Variants in TECPR1 observed in about 807,000 individuals in gnomAD.
The protein encoded by TECPR1 is tectonin beta-propeller repeat-containing protein 1.
In TECPR1, 122 loss-of-function variants were observed where a neutral mutation model predicts 162.4. That is an observed-to-expected ratio of 0.75 (90% CI 0.65 to 0.87). The LOEUF (loss-of-function observed/expected upper bound fraction) is 0.87, where lower values mean the gene tolerates loss of function less well. TECPR1 is among the 40% of genes least tolerant of loss of function. The probability of loss-of-function intolerance (pLI) is 0.00; values close to 1 mark genes in which losing one functional copy is unlikely to be tolerated. For synonymous variants in TECPR1, 642 were observed against 670.6 expected (o/e 0.96, Z 0.66); for missense variants, 1,432 against 1,618.2 (o/e 0.88, Z 1.97).
chr7:98,236,725 C>G, intron 10 of TECPR1, 51 bp downstream of exon 10: 1 of 1,564,324 alleles, frequency 6.4e-7, no homozygotes. Context: ...CACCTAGGCT[C>G]AGACGGCCCA....
Position 98,245,173 on chromosome 7 carries a change from C to T in TECPR1, c.226-106G>A, listed in dbSNP as rs1798873769. 4 of 1,236,868 alleles carry T rather than the reference C, an allele frequency of 3.2e-6. No homozygotes were observed. The South Asian group carries it at 4.1e-5, about 13-fold the overall frequency. 76.6% of individuals were successfully genotyped at this position (1,236,868 alleles called of 1,614,324 possible). ...CAGCTGACCCTGCCCAGCCGACCCCCTCATTGATCTCCAGAATAGGAAGTG... is the reference window on the plus strand; with the variant it reads ...CAGCTGACCCTGCCCAGCCGACCCCTTCATTGATCTCCAGAATAGGAAGTG... On this transcript the variant is annotated intron_variant, in intron 3 of 25. Transcript: ENST00000447648.
intron 15 of TECPR1, 32 bp from the exon 16 acceptor site, chr7:98,229,198 C>T (rs753026137): frequency 7.8e-6 from 12 of 1,542,446 alleles, no homozygotes; most frequent in Non-Finnish European, 8.8e-6. Context: ...GGTGGAAACC[C>T]CTCAGACCCC....
At chr7:98,224,299 C>T (rs1798220109) in intron 19 of TECPR1, among the ~76,000 whole-genome samples, 2 of 152,224 alleles carry the variant, frequency 1.3e-5, no homozygotes, top group South Asian at 2.1e-4. Context: ...CCTGCACCGC[C>T]AGGGTCCAGG....
Position 98,236,925 on chromosome 7 carries a change from G to C in TECPR1, c.1036-4C>G, listed in dbSNP as rs1414003431. The C allele has an allele frequency of 1.3e-6, 2 of 1,546,348 alleles. No individual in the cohort carries two copies. Among genetic ancestry groups the C allele is most frequent in the Non-Finnish European group, 1.7e-6 (2 of 1,144,628 alleles). ...CCTCACAGCCAATGCCCCACACCTG[G>C]AAGAGAGAGGCTGTGTTCCGAGGAA... On this transcript the variant is annotated splice_region_variant and splice_polypyrimidine_tract_variant and intron_variant, in intron 9 of 25. Transcript: ENST00000447648.
intron 17 of TECPR1, among the ~76,000 whole-genome samples, chr7:98,226,025 G>A (rs772370613): frequency 1.3e-5 from 2 of 152,212 alleles, no homozygotes; most frequent in Admixed American, 6.5e-5. Flanking sequence ...TTCTGGGGAC[G>A]GCTGAGGCTG....
intron 15 of TECPR1, among the ~76,000 whole-genome samples, chr7:98,230,530 C>T (rs1351133825): frequency 2.6e-5 from 4 of 152,190 alleles, no homozygotes; most frequent in African/African-American, 7.2e-5. Context: ...CCTCCCACAG[C>T]GGCTCTCTCC....
At chr7:98,250,264 C>T (rs1293899481) in intron 2 of TECPR1, among the ~76,000 whole-genome samples, 9 of 151,572 alleles carry the variant, frequency 5.9e-5, no homozygotes, top group African/African-American at 2.2e-4. Context: ...CAATAAAATG[C>T]TAGGGGAAGA....
chr7:98,242,257 T>C (rs765233958), intron 6 of TECPR1, among the ~76,000 whole-genome samples: 2 of 152,162 alleles, frequency 1.3e-5, no homozygotes, highest in Non-Finnish European at 2.9e-5. Flanking sequence ...AATCCTGCTG[T>C]GCAACAGAAA....
intron 6 of TECPR1, among the ~76,000 whole-genome samples, chr7:98,242,698 C>A (rs1798784005): frequency 7.3e-6 from 1 of 137,830 alleles, no homozygotes; most frequent in Non-Finnish European, 1.5e-5. Flanking sequence ...CACCCACTCA[C>A]CCACCCACCC....
At position 98,246,075 on chromosome 7, in the gene TECPR1, G is replaced by A. The variant is rs1419836999; in HGVS notation, c.72C>T (p.Tyr24=). Residue 24 remains tyrosine (Y), a synonymous_variant, in exon 3 of 26, where the codon TAC becomes TAT. Coordinates refer to ENST00000447648, the MANE Select transcript of TECPR1 (RefSeq NM_015395.3). ...RVYTLSTAGQ[Y]WEMCKDSQLE... The stretch of plus-strand genomic sequence containing the variant: ...GCTGGGAGTCCTTGCACATTTCCCA[G>A]TACTGGCCTGCTGTGGACAGCGTGT... 11 of 1,566,396 alleles carry A rather than the reference G, an allele frequency of 7.0e-6. No homozygotes were observed. The highest frequency in any genetic ancestry group is 9.5e-6 in the Non-Finnish European group (11 of 1,156,372).
Position 98,223,146 on chromosome 7 carries a change from C to G in TECPR1, c.2772G>C (p.Gly924=). Residue 924 remains glycine, a synonymous_variant, in exon 21 of 26, where the codon GGG becomes GGC. Transcript: ENST00000447648. ...CGATGGGGGGCACCTCCAGCCAGGG[C>G]CCACTGGTCACCAGCTTGCATTTTC... ...WARKCKLVTS[G]PWLEVPPIAL... The G allele has an allele frequency of 6.2e-7, 1 of 1,603,600 alleles. No homozygotes were observed. Among genetic ancestry groups the G allele is most frequent in the Middle Eastern group, 1.7e-4 (1 of 6,042 alleles).
Position 98,233,573 on chromosome 7 carries a change from G to A in TECPR1, c.1520C>T (p.Pro507Leu), listed in dbSNP as rs751686995. 7 of 1,597,758 alleles carry A rather than the reference G, an allele frequency of 4.4e-6. No homozygotes were observed. In the South Asian group the frequency reaches 5.6e-5, roughly 13 times the overall value. Residue 507 changes from proline (P) to leucine (L), a missense_variant, in exon 11 of 26, where the codon CCC (proline) becomes CTC (leucine). Coordinates refer to ENST00000447648, the MANE Select transcript of TECPR1 (RefSeq NM_015395.3). ...CAGAGAGGAGAGGCTGGTGGTCTCG[G>A]GGAAGCCAGCGGCCGAGTGGCTGGG... ...KVPSHSAAGF[P>L]ETTSLSSLGL...
In TECPR1 at chr7:98,232,785, G is replaced by GAAA. The variant is rs139511001; in HGVS notation, c.1818+39_1818+41dup. The GAAA allele has an allele frequency of 5.3e-6, 7 of 1,330,984 alleles. No individual in the cohort carries two copies. Among genetic ancestry groups the GAAA allele is most frequent in the East Asian group, 5.4e-5 (2 of 37,280 alleles). The allele number at this position is 1,330,984 out of a possible 1,614,324, so 82.4% of individuals were successfully genotyped here. The stretch of plus-strand genomic sequence containing the variant: ...GCAGGCGCTCAATGAATGATTGCTG[G>GAAA]AAAAAAAAAAAAAATGCATGCGCAG... On this transcript the variant is annotated intron_variant, in intron 12 of 25. Transcript: ENST00000447648. This position sits in a 1 kb window ranked among gnomAD's most constrained non-coding sequence, Gnocchi z 4.6.
At chr7:98,229,943 G>T (rs1798378204) in intron 15 of TECPR1, among the ~76,000 whole-genome samples, 1 of 148,992 alleles carries the variant, frequency 6.7e-6, no homozygotes, top group South Asian at 2.2e-4. Context: ...CTTGTCCTCA[G>T]GACTCAGCTC....
intron 16 of TECPR1, chr7:98,228,525 A>T (rs546686119): frequency 4.2e-6 from 1 of 239,548 alleles, no homozygotes; most frequent in African/African-American, 2.2e-5. Context: ...ATGAAGACAG[A>T]GGTCATTCCT....
rs1168211952 is a variant in TECPR1, at chr7:98,233,961, G to T, written c.1182-50C>A. Reference sequence around the variant, plus strand: ...ATCACTCCCTTGCAGGGGAACAGGCGCTGTCAGGCAGGCCCAGCTCCAGCG... The same window carrying T: ...ATCACTCCCTTGCAGGGGAACAGGCTCTGTCAGGCAGGCCCAGCTCCAGCG... On this transcript the variant is annotated intron_variant, in intron 10 of 25. Coordinates refer to ENST00000447648, the MANE Select transcript of TECPR1 (RefSeq NM_015395.3). The T allele has an allele frequency of 2.0e-6, 3 of 1,465,906 alleles. No homozygotes were observed. In the East Asian group the frequency reaches 7.5e-5, roughly 37 times the overall value. 90.8% of individuals were successfully genotyped at this position (1,465,906 alleles called of 1,614,324 possible). A position where few individuals can be genotyped will look rare whatever the true frequency, so the allele number is the denominator to read the frequency against.
chr7:98,232,232 C>A lies in TECPR1; in HGVS notation c.1819-273G>T, dbSNP rs1798463759. Among the ~76,000 whole-genome samples the A allele has an allele frequency of 6.6e-6, 1 of 152,158 alleles. No individual in the cohort carries two copies. Among genetic ancestry groups the A allele is most frequent in the African/African-American group, 2.4e-5 (1 of 41,434 alleles). On this transcript the variant is annotated intron_variant, in intron 12 of 25. Coordinates refer to ENST00000447648, the MANE Select transcript of TECPR1 (RefSeq NM_015395.3). This position sits in a 1 kb window ranked among gnomAD's most constrained non-coding sequence, Gnocchi z 4.6. ...CCATCCCGCCTTCTGCATGGGGAGA[C>A]AGGCTCGGGAGGGTTCCGTGCCTGG...
In TECPR1 at chr7:98,244,467, T is replaced by C. The variant is rs1286931963; in HGVS notation, c.531+104A>G. The C allele has an allele frequency of 2.1e-6, 3 of 1,439,462 alleles. No individual in the cohort carries two copies. The African/African-American group carries it at 4.3e-5, about 21-fold the overall frequency. 89.2% of individuals were successfully genotyped at this position (1,439,462 alleles called of 1,614,324 possible). ...CAAAGGCCAGGTCCCGAGGTGGGCG[T>C]GGTGTCCCCTGGTGCACACAGGTGG... On this transcript the variant is annotated intron_variant, in intron 5 of 25. Transcript: ENST00000447648.
intron 17 of TECPR1, chr7:98,226,510 C>T: frequency 1.9e-6 from 2 of 1,033,284 alleles, no homozygotes; most frequent in Middle Eastern, 4.7e-4. Flanking sequence ...CACGGACACA[C>T]AGTATGGCTG....
Sources: gnomAD v4.1 joint callset for allele counts (sites outside exome capture counted in the v4.1 genomes callset) on GRCh38, gnomAD v4.1.1 for gene constraint, Gnocchi (gnomAD v3.1) non-coding constraint, MANE v1.5 for transcripts, NCBI Gene and HGNC (gene_info 2026-07-23, HGNC 2026-07-21) for gene names.